FAM120A: variants seen among roughly 807,000 people sequenced by gnomAD.
FAM120A encodes family with sequence similarity 120 member A, also known as constitutive coactivator of PPAR-gamma-like protein 1.
A neutral mutation model predicts 109.7 loss-of-function variants in FAM120A; 15 were observed. The ratio of observed to expected loss-of-function variants is 0.14; its 90% CI spans 0.09 to 0.21. FAM120A has a LOEUF of 0.21. Among genes scored for constraint, FAM120A ranks in the 10% least tolerant of loss-of-function variants. FAM120A has a pLI of 1.00. For missense variants in FAM120A, 899 were observed against 1,439.3 expected (o/e 0.62, Z 6.07); for synonymous variants, 493 against 572.8 (o/e 0.86, Z 1.99).
In FAM120A at chr9:93,535,550, G is replaced by A. The variant is rs773605592; in HGVS notation, c.1909+3221G>A. ...TGGAAAAGATGTGTAGATTTGACCT[G>A]AGTTTAGAATTTGGGAGACCTTACT... is the stretch of plus-strand genomic sequence containing the variant. On this transcript the variant is annotated intron_variant, in intron 10 of 17. Coordinates refer to ENST00000277165, the MANE Select transcript of FAM120A (RefSeq NM_014612.5). Among the ~76,000 whole-genome samples, 47 of 152,252 alleles carry A rather than the reference G, an allele frequency of 3.1e-4. 1 individual carries two copies. Among genetic ancestry groups the A allele is most frequent in the Non-Finnish European group, 6.2e-4 (42 of 68,010 alleles).
chr9:93,546,984 A>G (rs747751675), intron 11 of FAM120A, among the ~76,000 whole-genome samples: 41 of 152,200 alleles, frequency 2.7e-4, no homozygotes, highest in Non-Finnish European at 4.3e-4. Flanking sequence ...CACTTGGTTA[A>G]GGTAGAGTTG....
rs766627817 is a variant in FAM120A, at chr9:93,527,169, AC to A, written c.1434del (p.Asn478LysfsTer38). On this transcript the variant is annotated frameshift_variant, in exon 8 of 18. Coordinates refer to ENST00000277165, the MANE Select transcript of FAM120A (RefSeq NM_014612.5). LOFTEE classifies it high-confidence loss of function. ...SGGATNHISG[N>X]KIGWEKTGSH... is the part of the protein sequence containing the mutation. Reference sequence around the variant, plus strand: ...TTTATGTTTAGCCATATCAGCGGGAACAAGATTGGCTGGGAGAAGACGGGAA... The same window carrying A: ...TTTATGTTTAGCCATATCAGCGGGAAAAGATTGGCTGGGAGAAGACGGGAA... 1 of 1,614,110 alleles carries A rather than the reference AC, an allele frequency of 6.2e-7. No homozygotes were observed. The highest frequency in any genetic ancestry group is 8.5e-7 in the Non-Finnish European group (1 of 1,179,944).
chr9:93,551,220 G>A (rs941538619), intron 12 of FAM120A, among the ~76,000 whole-genome samples: 3 of 152,100 alleles, frequency 2.0e-5, no homozygotes, highest in Non-Finnish European at 4.4e-5. Context: ...TTTTAAGTCA[G>A]CATTTAACAT....
chr9:93,493,147 G>A (rs1471084521), intron 3 of FAM120A, among the ~76,000 whole-genome samples: 1 of 152,196 alleles, frequency 6.6e-6, no homozygotes, highest in Non-Finnish European at 1.5e-5. Context: ...AGCAATGGTG[G>A]CAAAATGTCC....
In FAM120A at chr9:93,516,364, A is replaced by G. The variant is rs796115507; in HGVS notation, c.1418+95A>G. 30 of 1,554,684 alleles carry G rather than the reference A, an allele frequency of 1.9e-5. No homozygotes were observed. The African/African-American group carries it at 3.9e-4, about 20-fold the overall frequency. On this transcript the variant is annotated intron_variant, in intron 7 of 17. Coordinates refer to ENST00000277165, the MANE Select transcript of FAM120A (RefSeq NM_014612.5). ...CCAGCCCAGCTGGTGTTTTGCTCAG[A>G]GATGTAGTTTATTGCAGGTGGGTGA... is the stretch of plus-strand genomic sequence containing the variant.
intron 2 of FAM120A, among the ~76,000 whole-genome samples, chr9:93,475,559 C>G (rs1005115660): frequency 1.3e-5 from 2 of 152,176 alleles, no homozygotes; most frequent in Non-Finnish European, 2.9e-5. Context: ...TACTAAAGAT[C>G]AGGTATACCA....
At chr9:93,546,838 A>G (rs915532890) in intron 11 of FAM120A, among the ~76,000 whole-genome samples, 1 of 152,250 alleles carries the variant, frequency 6.6e-6, no homozygotes, top group Non-Finnish European at 1.5e-5. Context: ...ATCAATTTCT[A>G]TTGGACACAT....
chr9:93,512,014 A>G (rs1174537980), intron 5 of FAM120A, among the ~76,000 whole-genome samples: 1 of 151,624 alleles, frequency 6.6e-6, no homozygotes, highest in Non-Finnish European at 1.5e-5. Context: ...CTGATCTTGA[A>G]CTCCTGACCT....
intron 11 of FAM120A, 142 bp downstream of exon 11, chr9:93,543,613 A>G (rs890169494): frequency 1.4e-5 from 16 of 1,114,784 alleles, no homozygotes; most frequent in Non-Finnish European, 1.7e-5. Context: ...CCATATTTAT[A>G]TATGTGATAG....
intron 3 of FAM120A, among the ~76,000 whole-genome samples, chr9:93,485,155 C>T (rs745447274): frequency 5.3e-5 from 8 of 152,088 alleles, no homozygotes; most frequent in East Asian, 3.9e-4. Context: ...TGTTGTTGCA[C>T]GCTAACTGTA....
In FAM120A at chr9:93,553,090, G is replaced by C. The variant is rs1037618156; in HGVS notation, c.2274+2399G>C. ...GCCATGTCCATGAATAATTGAGAGT[G>C]TTCCATGTGGCTCCTTAAATACCTG... On this transcript the variant is annotated intron_variant, in intron 12 of 17. Transcript: ENST00000277165. Among the ~76,000 whole-genome samples, 7 of 152,192 alleles carry C rather than the reference G, an allele frequency of 4.6e-5. 1 individual carries two copies. Among genetic ancestry groups the C allele is most frequent in the Non-Finnish European group, 8.8e-5 (6 of 68,040 alleles).
At chr9:93,463,479 T>C (rs1857884085) in intron 1 of FAM120A, among the ~76,000 whole-genome samples, 1 of 152,336 alleles carries the variant, frequency 6.6e-6, no homozygotes, top group South Asian at 2.1e-4. Flanking sequence ...TAAATTGCCC[T>C]TTAAACAGCA....
intron 7 of FAM120A, 30 bp from the exon 8 acceptor site, chr9:93,527,125 G>A (rs1311801312): frequency 2.5e-6 from 4 of 1,590,368 alleles, no homozygotes; most frequent in Admixed American, 3.3e-5. Context: ...GAAAGTGATT[G>A]GACAGTAATC....
intron 3 of FAM120A, among the ~76,000 whole-genome samples, chr9:93,477,336 G>A (rs1257697206): frequency 6.6e-6 from 1 of 151,588 alleles, no homozygotes; most frequent in Admixed American, 6.6e-5. Context: ...TTTCATCTCT[G>A]GCATGCTTTT....
At chr9:93,516,373 T>G in intron 7 of FAM120A, 104 bp downstream of exon 7, 1 of 1,517,540 alleles carries the variant, frequency 6.6e-7, no homozygotes, top group Non-Finnish European at 8.9e-7. Context: ...GAGATGTAGT[T>G]TATTGCAGGT....
At chr9:93,505,091 C>T (rs530901429) in intron 5 of FAM120A, among the ~76,000 whole-genome samples, 5 of 120,690 alleles carry the variant, frequency 4.1e-5, no homozygotes, top group South Asian at 3.1e-4. Flanking sequence ...GAAGGAGTCT[C>T]GCTCTGTCAC....
intron 3 of FAM120A, among the ~76,000 whole-genome samples, chr9:93,479,090 ATTTTTTTTTTTTTT>A (rs11296612): frequency 1.2e-5 from 1 of 81,636 alleles, no homozygotes; most frequent in African/African-American, 5.3e-5. Flanking sequence ...AGGGTATTGC[ATTTTTTTTTTTTTT>A]TTTTTTTTTT....
intron 5 of FAM120A, among the ~76,000 whole-genome samples, chr9:93,511,456 G>A (rs922071996): frequency 7.9e-5 from 12 of 152,284 alleles, no homozygotes; most frequent in African/African-American, 2.9e-4. Context: ...CGGCTCTGTG[G>A]GGCCTCCTCT....
intron 3 of FAM120A, among the ~76,000 whole-genome samples, chr9:93,488,864 T>C (rs1436731197): frequency 1.3e-5 from 2 of 152,122 alleles, no homozygotes; most frequent in Non-Finnish European, 2.9e-5. Context: ...TCCCTTTTGC[T>C]GATCTTTTCC....
Sources: gnomAD v4.1 joint callset for allele counts (sites outside exome capture counted in the v4.1 genomes callset) on GRCh38, gnomAD v4.1.1 for gene constraint, MANE v1.5 for transcripts, NCBI Gene and HGNC (gene_info 2026-07-23, HGNC 2026-07-21) for gene names.